Variants in CADPS observed in about 807,000 individuals in gnomAD.
The protein encoded by CADPS is calcium dependent secretion activator.
In CADPS, 57 loss-of-function variants were observed where a neutral mutation model predicts 167.3. That is an observed-to-expected ratio of 0.34 (90% CI 0.28 to 0.42). The LOEUF (loss-of-function observed/expected upper bound fraction) is 0.42. CADPS is among the 20% of genes least tolerant of loss of function. CADPS has a pLI of 1.00. For synonymous variants in CADPS, 676 were observed against 635.3 expected (o/e 1.06, Z -0.96); for missense variants, 1,414 against 1,738.1 (o/e 0.81, Z 3.32).
At chr3:62,769,122 C>T (rs1368643275) in intron 1 of CADPS, among the ~76,000 whole-genome samples, 1 of 152,112 alleles carries the variant, frequency 6.6e-6, no homozygotes, top group Non-Finnish European at 1.5e-5. Flanking sequence ...ATACTGACCT[C>T]ATAGGGTTGT....
intron 12 of CADPS, 167 bp downstream of exon 12, chr3:62,536,278 T>C (rs1346840498): frequency 1.3e-5 from 8 of 609,112 alleles, no homozygotes; most frequent in African/African-American, 1.3e-4. Context: ...CTCAGTCTTG[T>C]TTCTTTGGTA....
In CADPS at chr3:62,601,001, A is replaced by G. The variant is rs2059878326; in HGVS notation, c.1326-8253T>C. On this transcript the variant is annotated intron_variant, in intron 6 of 29. Transcript: ENST00000383710. The surrounding 1 kb of genome is among the most constrained non-coding windows in gnomAD (Gnocchi z 4.3). Reference sequence around the variant, plus strand: ...AGGATGGAGTCCTTGACGGAAGGATATGTAGGACATAAGCTATTGGATATG... The same window carrying G: ...AGGATGGAGTCCTTGACGGAAGGATGTGTAGGACATAAGCTATTGGATATG... 1.3e-5 allele frequency among the ~76,000 whole-genome samples: 2 copies of G among 152,172 alleles called. No individual in the cohort carries two copies. Among genetic ancestry groups the G allele is most frequent in the Admixed American group, 1.3e-4 (2 of 15,276 alleles).
At chr3:62,720,181 C>T (rs1213205080) in intron 3 of CADPS, among the ~76,000 whole-genome samples, 2 of 152,058 alleles carry the variant, frequency 1.3e-5, no homozygotes, top group Admixed American at 1.3e-4. Context: ...AAAAAGTAAC[C>T]ATAGATAGCA....
intron 6 of CADPS, among the ~76,000 whole-genome samples, chr3:62,616,170 A>C (rs2149385532): frequency 6.6e-6 from 1 of 152,272 alleles, no homozygotes; most frequent in East Asian, 1.9e-4. Context: ...TAATTTCATC[A>C]CTTTAAGCAC....
Position 62,478,275 on chromosome 3 carries a change from T to G in CADPS, c.3315A>C (p.Glu1105Asp), listed in dbSNP as rs2061565083. The G allele has an allele frequency of 4.3e-6, 7 of 1,613,696 alleles. No homozygotes were observed. The highest frequency in any genetic ancestry group is 1.3e-5 in the African/African-American group (1 of 74,904). ...RLKLMASDMI[E>D]SCVKRTRIAF... ...CCTATACTTACCTTTTGACACAAGA[T>G]TCGATCATGTCACTTGCCATCAACT... The change falls in exon 23 of 30, where the codon GAA becomes GAC. Residue 1105 changes from glutamate (E) to aspartate (D), a missense_variant. Around this residue, in one of 6 missense-constraint regions of CADPS, gnomAD observed 529 missense variants for 629.6 expected, o/e 0.84. Coordinates refer to ENST00000383710, the MANE Select transcript of CADPS (RefSeq NM_003716.4). This position sits in a 1 kb window ranked among gnomAD's most constrained non-coding sequence, Gnocchi z 5.7.
At chr3:62,622,431 G>C (rs2063342317) in intron 6 of CADPS, among the ~76,000 whole-genome samples, 1 of 152,054 alleles carries the variant, frequency 6.6e-6, no homozygotes, top group African/African-American at 2.4e-5. Flanking sequence ...TGAACAATCA[G>C]GCCCATATGC....
chr3:62,434,384 G>A (rs1294207129), intron 28 of CADPS, among the ~76,000 whole-genome samples: 1 of 151,958 alleles, frequency 6.6e-6, no homozygotes, highest in African/African-American at 2.4e-5. Context: ...TTTTTTCTTA[G>A]GTGCGTTATC....
At chr3:62,766,309 G>A (rs2086846433) in intron 1 of CADPS, among the ~76,000 whole-genome samples, 1 of 152,034 alleles carries the variant, frequency 6.6e-6, no homozygotes, top group Non-Finnish European at 1.5e-5. Context: ...TTGCATGAGG[G>A]AAATTCTATA....
intron 1 of CADPS, among the ~76,000 whole-genome samples, chr3:62,821,763 C>T (rs2094931132): frequency 6.6e-6 from 1 of 152,174 alleles, no homozygotes; most frequent in Non-Finnish European, 1.5e-5. Flanking sequence ...TCAACATAAA[C>T]ACTGGGTGAC....
chr3:62,451,570 C>T (rs569369149), intron 26 of CADPS, among the ~76,000 whole-genome samples: 22 of 151,834 alleles, frequency 1.4e-4, no homozygotes, highest in Admixed American at 5.9e-4. Context: ...CAGATACCAC[C>T]GCATTAGTGA....
intron 3 of CADPS, among the ~76,000 whole-genome samples, chr3:62,744,117 G>A (rs531562422): frequency 6.6e-6 from 1 of 152,156 alleles, no homozygotes; most frequent in East Asian, 1.9e-4. Context: ...CTAAAATGTA[G>A]GTACAAATGT....
intron 1 of CADPS, among the ~76,000 whole-genome samples, chr3:62,820,247 C>A (rs1450227854): frequency 3.3e-5 from 5 of 152,208 alleles, no homozygotes; most frequent in African/African-American, 1.2e-4. Flanking sequence ...AGGTGTATAC[C>A]ATACAAGGTG....
chr3:62,570,935 ATACC>A lies in CADPS; in HGVS notation c.1578-1_1580del. ...AGACATTCTTACCGATGGCCCATAA[ATACC>A]TAAGGGAAAGGAGAAAGACCAGAGC... On this transcript the variant is annotated splice_acceptor_variant and coding_sequence_variant, in exon 9 of 30. Coordinates refer to ENST00000383710, the MANE Select transcript of CADPS (RefSeq NM_003716.4). LOFTEE classifies it high-confidence loss of function. 6.2e-7 allele frequency: 1 copy of A among 1,600,100 alleles called. No homozygotes were observed. The highest frequency in any genetic ancestry group is 8.6e-7 in the Non-Finnish European group (1 of 1,167,022).
intron 1 of CADPS, among the ~76,000 whole-genome samples, chr3:62,848,057 T>C (rs1313178093): frequency 1.5e-5 from 2 of 131,286 alleles, no homozygotes; most frequent in Non-Finnish European, 3.2e-5. Context: ...TCATGTGTTT[T>C]TTGGCTGCAT....
intron 3 of CADPS, among the ~76,000 whole-genome samples, chr3:62,680,854 T>G (rs1170864473): frequency 6.6e-6 from 1 of 151,982 alleles, no homozygotes; most frequent in African/African-American, 2.4e-5. Flanking sequence ...TGCTGGGAGT[T>G]TAGAGGCTCA....
At chr3:62,557,924 A>G (rs2078458316) in intron 9 of CADPS, among the ~76,000 whole-genome samples, 1 of 152,256 alleles carries the variant, frequency 6.6e-6, no homozygotes, top group Admixed American at 6.5e-5. Context: ...TGTTCTACCT[A>G]ATGTGACTGT....
At chr3:62,610,866 T>C (rs142364100) in intron 6 of CADPS, among the ~76,000 whole-genome samples, 45 of 147,652 alleles carry the variant, frequency 3.0e-4, no homozygotes, top group African/African-American at 1.0e-3. Context: ...TCTACACCAA[T>C]GGTTCTTAAT....
chr3:62,511,723 T>A (rs1357639596), intron 17 of CADPS, among the ~76,000 whole-genome samples: 7 of 152,086 alleles, frequency 4.6e-5, no homozygotes, highest in Non-Finnish European at 8.8e-5. Context: ...GCCCCATCCC[T>A]TTTACACATA....
intron 1 of CADPS, among the ~76,000 whole-genome samples, chr3:62,866,063 GT>G (rs2081617409): frequency 6.6e-6 from 1 of 152,102 alleles, no homozygotes; most frequent in Non-Finnish European, 1.5e-5. Context: ...TGATTTTAAT[GT>G]TTGATCACTT....
Sources: gnomAD v4.1 joint callset for allele counts (sites outside exome capture counted in the v4.1 genomes callset) on GRCh38, gnomAD v4.1.1 for gene constraint, gnomAD v4.1.1 regional missense constraint, Gnocchi (gnomAD v3.1) non-coding constraint, MANE v1.5 for transcripts, NCBI Gene and HGNC (gene_info 2026-07-23, HGNC 2026-07-21) for gene names.